The following MYO9A variants were observed in gnomAD, a reference collection of about 807,000 sequenced individuals.
MYO9A encodes the protein unconventional myosin-IXa.
MYO9A carries 103 observed loss-of-function variants against 293.3 expected under a neutral mutation model. The observed-to-expected ratio is 0.35, with a 90% confidence interval of 0.30 to 0.41. MYO9A has a LOEUF of 0.41. Ranked by LOEUF, MYO9A falls within the 10% of genes least tolerant of loss-of-function variation. The pLI is 1.00. For missense variants in MYO9A, 2,685 were observed against 3,033.0 expected (o/e 0.89, Z 2.69); for synonymous variants, 1,001 against 1,035.7 (o/e 0.97, Z 0.64).
chr15:72,112,789 G>GA (rs2080827913), intron 1 of MYO9A, among the ~76,000 whole-genome samples: 1 of 152,214 alleles, frequency 6.6e-6, no homozygotes, highest in African/African-American at 2.4e-5. Context: ...TTAGTGACTA[G>GA]AAGAAGGCAT....
chr15:72,103,045 G>T (rs188276688), intron 1 of MYO9A, among the ~76,000 whole-genome samples: 1 of 6,850 alleles, frequency 1.5e-4, no homozygotes, highest in Non-Finnish European at 2.4e-4. Context: ...GCAGTGGTGC[G>T]ATCTCTGTTC....
intron 4 of MYO9A, among the ~76,000 whole-genome samples, chr15:72,026,758 CG>C (rs1166816894): frequency 1.3e-5 from 2 of 151,850 alleles, no homozygotes; most frequent in African/African-American, 4.8e-5. Context: ...TGAATGAAAG[CG>C]GAACATTACT....
At chr15:72,050,669 C>T (rs1209378956) in intron 1 of MYO9A, among the ~76,000 whole-genome samples, 5 of 151,994 alleles carry the variant, frequency 3.3e-5, no homozygotes. Flanking sequence ...ATGTACATTA[C>T]CAGGCTCAAC....
Position 71,938,857 on chromosome 15 carries a change from G to GT in MYO9A, c.2372dup (p.Asn791LysfsTer4). On this transcript the variant is annotated frameshift_variant, in exon 16 of 42. Transcript: ENST00000356056. LOFTEE classifies it high-confidence loss of function. ...CATAAACCAAACACACTTACTGTTG[G>GT]TTTTTTTCATTTAGAGCATTCATGC... The GT allele has an allele frequency of 2.5e-6, 4 of 1,607,842 alleles. No homozygotes were observed. The highest frequency in any genetic ancestry group is 1.1e-5 in the South Asian group (1 of 90,032).
chr15:71,899,055 G>A (rs1168023086), intron 24 of MYO9A, 23 bp from the exon 25 acceptor site: 2 of 1,515,698 alleles, frequency 1.3e-6, no homozygotes, highest in South Asian at 1.3e-5. Context: ...AGACAAAATG[G>A]GTTATAGAAA....
chr15:71,907,019 T>G (rs2057679250), intron 19 of MYO9A, among the ~76,000 whole-genome samples: 1 of 150,220 alleles, frequency 6.7e-6, no homozygotes, highest in Non-Finnish European at 1.5e-5. Context: ...TGTATACATG[T>G]GACATGCTGG....
At chr15:72,031,149 C>G (rs1205309264) in intron 3 of MYO9A, among the ~76,000 whole-genome samples, 1 of 152,198 alleles carries the variant, frequency 6.6e-6, no homozygotes, top group Non-Finnish European at 1.5e-5. Context: ...ATCCCCCAGT[C>G]TGTGGAAAAA....
At chr15:71,830,508 C>A (rs747388198) in intron 39 of MYO9A, among the ~76,000 whole-genome samples, 197 bp from the exon 40 acceptor site, 1 of 152,208 alleles carries the variant, frequency 6.6e-6, no homozygotes, top group Non-Finnish European at 1.5e-5. Flanking sequence ...TGCAGGAGTA[C>A]TGGAAAACGG....
chr15:71,908,770 C>A (rs150599757), intron 19 of MYO9A, among the ~76,000 whole-genome samples: 115 of 152,274 alleles, frequency 7.6e-4, no homozygotes, highest in Non-Finnish European at 1.5e-3. Flanking sequence ...TGATTATTAA[C>A]TACAGTCCAT....
At chr15:72,101,861 G>A (rs71269582) in intron 1 of MYO9A, among the ~76,000 whole-genome samples, 1,684 of 151,128 alleles carry the variant, frequency 0.011, 2 homozygotes, top group East Asian at 0.02. Context: ...GTCCGGGAGG[G>A]AGGTGGGGGG....
At chr15:72,087,292 G>C (rs2079768893) in intron 1 of MYO9A, among the ~76,000 whole-genome samples, 1 of 152,200 alleles carries the variant, frequency 6.6e-6, no homozygotes, top group Non-Finnish European at 1.5e-5. Context: ...TCTCCTATGG[G>C]AGCAAGTCAA....
intron 18 of MYO9A, among the ~76,000 whole-genome samples, chr15:71,919,636 T>C (rs957601379): frequency 2.0e-5 from 3 of 151,210 alleles, no homozygotes; most frequent in African/African-American, 7.3e-5. Flanking sequence ...AGGTCAGGAG[T>C]TCGAGACCAG....
At chr15:71,960,359 C>T (rs959912915) in intron 13 of MYO9A, 6 of 331,930 alleles carry the variant, frequency 1.8e-5, no homozygotes, top group Non-Finnish European at 3.1e-5. Flanking sequence ...GTGTGGCACT[C>T]CTACTTCTCC....
intron 39 of MYO9A, among the ~76,000 whole-genome samples, chr15:71,844,087 G>GTTGAC (rs1180471131): frequency 2.0e-5 from 3 of 152,162 alleles, no homozygotes; most frequent in Non-Finnish European, 4.4e-5. Context: ...ATTAAACCTT[G>GTTGAC]TTGACTTTTA....
intron 1 of MYO9A, among the ~76,000 whole-genome samples, chr15:72,098,946 A>T (rs966249793): frequency 8.3e-5 from 11 of 132,118 alleles, no homozygotes; most frequent in East Asian, 2.9e-4. Context: ...AGTTGTATTT[A>T]AAAAAAAAAA....
chr15:72,045,733 T>TG lies in MYO9A; in HGVS notation c.830dup (p.Val278SerfsTer3). ...ATTTCTATATATTTACCTCAAGTAC[T>TG]GGTCCAGCTCCAAGAATAATCTGTT... On this transcript the variant is annotated frameshift_variant, in exon 2 of 42. Coordinates refer to ENST00000356056, the MANE Select transcript of MYO9A (RefSeq NM_006901.4). LOFTEE classifies it high-confidence loss of function. The TG allele has an allele frequency of 6.3e-7, 1 of 1,589,678 alleles. No homozygotes were observed. The highest frequency in any genetic ancestry group is 8.5e-7 in the Non-Finnish European group (1 of 1,170,682).
At position 71,825,339 on chromosome 15, in the gene MYO9A, A is replaced by AAAAAG. The variant is rs2054434031; in HGVS notation, c.*1236_*1240dup. Reference sequence around the variant, plus strand: ...ATGGGAAGGAGGGAAGCACAAGGTTAAAAAGAAATATGCCTACTATACATA... The same window carrying AAAAAG: ...ATGGGAAGGAGGGAAGCACAAGGTTAAAAAGAAAAGAAATATGCCTACTATACATA... On this transcript the variant is annotated 3_prime_UTR_variant, in exon 42 of 42. Transcript: ENST00000356056. The AAAAAG allele has an allele frequency of 6.6e-6, 1 of 152,162 alleles. No individual in the cohort carries two copies. Among genetic ancestry groups the AAAAAG allele is most frequent in the East Asian group, 1.9e-4 (1 of 5,196 alleles). The allele number at this position is 152,162 out of a possible 1,614,324, so 9.4% of individuals were successfully genotyped here. A position where few individuals can be genotyped will look rare whatever the true frequency, so the allele number is the denominator to read the frequency against.
intron 19 of MYO9A, among the ~76,000 whole-genome samples, chr15:71,906,039 T>C (rs1451790499): frequency 6.6e-6 from 1 of 152,106 alleles, no homozygotes. Flanking sequence ...ATTGCACAAA[T>C]TTTGATATTT....
At chr15:71,939,762 G>T (rs1256830156) in intron 15 of MYO9A, among the ~76,000 whole-genome samples, 1 of 152,106 alleles carries the variant, frequency 6.6e-6, no homozygotes, top group African/African-American at 2.4e-5. Flanking sequence ...TAAGCATAAG[G>T]CTATCAATTT....
Sources: allele counts gnomAD v4.1 joint callset (sites outside exome capture counted in the v4.1 genomes callset), GRCh38; gene constraint gnomAD v4.1.1; transcripts MANE v1.5; gene names NCBI Gene and HGNC (gene_info 2026-07-23, HGNC 2026-07-21).